Variants in GALNT13 observed in about 807,000 individuals in gnomAD.
GALNT13 encodes the protein polypeptide N-acetylgalactosaminyltransferase 13.
GALNT13 carries 28 observed loss-of-function variants against 64.2 expected under a neutral mutation model. The ratio of observed to expected loss-of-function variants is 0.44; its 90% confidence interval spans 0.32 to 0.60. GALNT13 has a LOEUF of 0.60. Among genes scored for constraint, GALNT13 ranks in the 20% least tolerant of loss-of-function variants. GALNT13 has a pLI of 0.05. For missense variants in GALNT13, 577 were observed against 669.8 expected (o/e 0.86, Z 1.53); for synonymous variants, 214 against 224.6 (o/e 0.95, Z 0.42).
intron 9 of GALNT13, among the ~76,000 whole-genome samples, chr2:154,379,659 ACT>A (rs1258873950): frequency 2.0e-5 from 3 of 152,002 alleles, no homozygotes; most frequent in Admixed American, 6.6e-5. Context: ...AAATATTGAA[ACT>A]CAGCATTGGT....
chr2:153,539,808 G>C, the GALNT13 span, among the ~76,000 whole-genome samples: 3 of 152,016 alleles, frequency 2.0e-5, no homozygotes, highest in Non-Finnish European at 4.4e-5. Context: ...TTGTAGTATA[G>C]TTTGAAGTCA....
chr2:154,119,615 T>C (rs1221752873), intron 3 of GALNT13, among the ~76,000 whole-genome samples: 4 of 125,880 alleles, frequency 3.2e-5, no homozygotes, highest in Non-Finnish European at 6.2e-5. Flanking sequence ...TTTATTCTTT[T>C]TTATTCTTTT....
At chr2:153,887,547 T>C in intron 1 of GALNT13, among the ~76,000 whole-genome samples, 1 of 151,740 alleles carries the variant, frequency 6.6e-6, no homozygotes, top group East Asian at 1.9e-4. Flanking sequence ...AAGATAAATG[T>C]GTGAAGGCAA....
At chr2:154,287,062 C>T in intron 8 of GALNT13, 1 of 724,222 alleles carries the variant, frequency 1.4e-6, no homozygotes, top group African/African-American at 1.7e-5. Flanking sequence ...TACAGGTCAT[C>T]TTTGGGCTCA....
the GALNT13 span, among the ~76,000 whole-genome samples, chr2:153,726,337 A>T: frequency 0.07 from 10,608 of 151,926 alleles, 428 homozygotes; most frequent in Middle Eastern, 0.14. Context: ...TGTCTTTTTT[A>T]AAAAAAATGC....
the GALNT13 span, among the ~76,000 whole-genome samples, chr2:153,170,211 A>G: frequency 6.6e-6 from 1 of 152,214 alleles, no homozygotes; most frequent in African/African-American, 2.4e-5. Context: ...TAAACCTAAT[A>G]CGTTCCTTAA....
intron 3 of GALNT13, among the ~76,000 whole-genome samples, chr2:154,025,998 T>A (rs1249690285): frequency 6.6e-6 from 1 of 152,152 alleles, no homozygotes; most frequent in African/African-American, 2.4e-5. Context: ...CTTGCCATTA[T>A]ATAAGGAATG....
chr2:154,438,517 T>C, intron 11 of GALNT13, 75 bp from the exon 12 acceptor site: 1 of 1,064,834 alleles, frequency 9.4e-7, no homozygotes, highest in Non-Finnish European at 1.4e-6. Flanking sequence ...ATACGAAAGC[T>C]TCCCTGGATA....
At chr2:153,598,354 C>T in the GALNT13 span, among the ~76,000 whole-genome samples, 1 of 151,840 alleles carries the variant, frequency 6.6e-6, no homozygotes, top group African/African-American at 2.4e-5. Context: ...TACATTTCCC[C>T]TTCTTCAAAA....
the GALNT13 span, among the ~76,000 whole-genome samples, chr2:153,701,836 G>C: frequency 2.6e-5 from 4 of 152,190 alleles, no homozygotes; most frequent in Non-Finnish European, 5.9e-5. Flanking sequence ...AACAAAAGAT[G>C]CTGGTGAGGT....
At chr2:153,964,407 C>A (rs1361007296) in intron 3 of GALNT13, among the ~76,000 whole-genome samples, 2 of 152,152 alleles carry the variant, frequency 1.3e-5, no homozygotes, top group East Asian at 1.9e-4. Flanking sequence ...CAAGATCATG[C>A]AACTGCACTC....
At chr2:153,719,552 G>C in the GALNT13 span, among the ~76,000 whole-genome samples, 91 of 152,276 alleles carry the variant, frequency 6.0e-4, no homozygotes, top group African/African-American at 2.1e-3. Context: ...TGAGGTACTG[G>C]GTTCATCTCA....
the GALNT13 span, among the ~76,000 whole-genome samples, chr2:153,482,556 G>A: frequency 2.6e-5 from 4 of 152,144 alleles, no homozygotes; most frequent in South Asian, 2.1e-4. Context: ...TGCAACCTCC[G>A]CCTCCCAGGT....
chr2:154,239,402 T>A (rs1014999007), intron 4 of GALNT13, among the ~76,000 whole-genome samples: 66 of 152,158 alleles, frequency 4.3e-4, no homozygotes, highest in African/African-American at 1.5e-3. Flanking sequence ...TAGCCTGTTT[T>A]TCTAGTTGTA....
chr2:153,498,409 C>A, the GALNT13 span, among the ~76,000 whole-genome samples: 2 of 152,212 alleles, frequency 1.3e-5, no homozygotes, highest in South Asian at 4.1e-4. Context: ...GGCCCAGATC[C>A]CATACTTGCC....
At chr2:153,905,713 G>A (rs952098327) in intron 2 of GALNT13, among the ~76,000 whole-genome samples, 4 of 152,024 alleles carry the variant, frequency 2.6e-5, no homozygotes, top group African/African-American at 7.2e-5. Flanking sequence ...TCTTACCATA[G>A]AGCTTAGCAA....
the GALNT13 span, among the ~76,000 whole-genome samples, chr2:153,782,949 G>A: frequency 2.6e-5 from 4 of 152,158 alleles, no homozygotes; most frequent in Admixed American, 1.3e-4. Flanking sequence ...AGGTGAGCGT[G>A]CTTGAAGGAA....
chr2:154,380,203 A>G (rs1698201226), intron 9 of GALNT13, among the ~76,000 whole-genome samples: 1 of 152,022 alleles, frequency 6.6e-6, no homozygotes, highest in Non-Finnish European at 1.5e-5. Context: ...TGATAATCCC[A>G]TGAAGTATTA....
intron 3 of GALNT13, among the ~76,000 whole-genome samples, chr2:154,017,232 T>A (rs576965787): frequency 4.3e-4 from 65 of 152,258 alleles, no homozygotes; most frequent in African/African-American, 1.4e-3. Flanking sequence ...ATGGAGATAT[T>A]TTAAAATTGT....
Sources: allele counts gnomAD v4.1 joint callset (sites outside exome capture counted in the v4.1 genomes callset), GRCh38; gene constraint gnomAD v4.1.1; transcripts MANE v1.5; gene names NCBI Gene and HGNC (gene_info 2026-07-23, HGNC 2026-07-21).